The following NRXN3 variants were observed in gnomAD, a reference collection of about 807,000 sequenced individuals.
The protein encoded by NRXN3 is neurexin 3.
Under a neutral mutation model 137.6 loss-of-function variants are expected in NRXN3, and 32 were observed. The observed-to-expected ratio is 0.23, with a 90% CI of 0.18 to 0.31. NRXN3 has a LOEUF of 0.31. Ranked by LOEUF, NRXN3 falls within the 10% of genes least tolerant of loss-of-function variation. The pLI is 1.00. For synonymous variants in NRXN3, 798 were observed against 784.5 expected (o/e 1.02, Z -0.29); for missense variants, 1,574 against 2,062.5 (o/e 0.76, Z 4.59).
intron 16 of NRXN3, among the ~76,000 whole-genome samples, chr14:79,624,947 G>A (rs548304580): frequency 2.0e-5 from 3 of 152,042 alleles, no homozygotes; most frequent in Admixed American, 6.5e-5. Context: ...GAGACTACAG[G>A]CATCCACCAC....
At chr14:78,834,783 A>T (rs2098991650) in intron 10 of NRXN3, among the ~76,000 whole-genome samples, 1 of 152,214 alleles carries the variant, frequency 6.6e-6, no homozygotes, top group Admixed American at 6.5e-5. Context: ...CAGTGTTGAA[A>T]GCAGCAAGCT....
rs562908380 is a variant in NRXN3 at position 79,042,863 on chromosome 14, G to A, written c.3262+54722G>A. On this transcript the variant is annotated intron_variant, in intron 15 of 20. Coordinates refer to ENST00000335750, the MANE Select transcript of NRXN3 (RefSeq NM_001330195.2). ...CCTGGAAAGGGAGCAACTAGCACAA[G>A]AGAAACCAATCAAAATGCAGCAAAA... Among the ~76,000 whole-genome samples, 37 of 152,112 alleles carry A rather than the reference G, an allele frequency of 2.4e-4. No individual in the cohort carries two copies. In the South Asian group the frequency reaches 7.5e-3, roughly 31 times the overall value.
Position 78,242,696 on chromosome 14 carries a change from C to A in NRXN3, c.-398C>A, listed in dbSNP as rs1022080362. On this transcript the variant is annotated 5_prime_UTR_variant, in exon 2 of 21. Transcript: ENST00000335750. ...TGGGGGTCCGCTGGGAGGAGTGCAT[C>A]GCTGAAGGCTTCTTCCTACTCTCCT... 1.6e-4 allele frequency: 29 copies of A among 178,308 alleles called. No homozygotes were observed. The highest frequency in any genetic ancestry group is 6.9e-4 in the African/African-American group (29 of 42,316). The allele number at this position is 178,308 out of a possible 1,614,324, so 11.0% of individuals were successfully genotyped here. A position where few individuals can be genotyped will look rare whatever the true frequency, so the allele number is the denominator to read the frequency against.
chr14:79,517,314 T>C (rs1016994575), intron 16 of NRXN3, among the ~76,000 whole-genome samples: 1 of 152,170 alleles, frequency 6.6e-6, no homozygotes, highest in African/African-American at 2.4e-5. Flanking sequence ...TTGACCACTT[T>C]TGTAGTAGTT....
At chr14:79,781,786 T>G (rs1166103515) in intron 19 of NRXN3, among the ~76,000 whole-genome samples, 5 of 152,206 alleles carry the variant, frequency 3.3e-5, no homozygotes, top group Non-Finnish European at 7.3e-5. Context: ...GTGCTTGTAT[T>G]GCTGATAGCA....
At chr14:78,714,252 A>G (rs1242942933) in intron 7 of NRXN3, among the ~76,000 whole-genome samples, 1 of 152,100 alleles carries the variant, frequency 6.6e-6, no homozygotes, top group African/African-American at 2.4e-5. Flanking sequence ...AACTCAGGCA[A>G]ACATATGGAG....
rs182653567 is a variant in NRXN3 at position 79,748,815 on chromosome 14, G to A, written c.4014+50878G>A. 3.2e-4 allele frequency among the ~76,000 whole-genome samples: 49 copies of A among 151,966 alleles called. 1 individual carries two copies. In the South Asian group the frequency reaches 8.1e-3, roughly 25 times the overall value. The stretch of plus-strand genomic sequence containing the variant: ...AATGTACAAATACATAGTGAATTGC[G>A]ATGGTTTCTGGGACTGACAGAGAGA... On this transcript the variant is annotated intron_variant, in intron 19 of 20. Transcript: ENST00000335750.
chr14:78,234,994 T>TTATATATATATATATATATATATATA (rs57469863), intron 1 of NRXN3, among the ~76,000 whole-genome samples: 14 of 108,804 alleles, frequency 1.3e-4, no homozygotes, highest in African/African-American at 4.6e-4. Context: ...ACAAATGCTT[T>TTATATATATATATATATATATATATA]TATATATATA....
At chr14:78,851,268 T>A (rs1292582947) in intron 10 of NRXN3, among the ~76,000 whole-genome samples, 3 of 152,152 alleles carry the variant, frequency 2.0e-5, no homozygotes, top group African/African-American at 7.2e-5. Context: ...TGATTTATAG[T>A]GTTGACATAT....
At chr14:79,064,826 T>TGC (rs1458657184) in intron 15 of NRXN3, among the ~76,000 whole-genome samples, 1 of 145,818 alleles carries the variant, frequency 6.9e-6, no homozygotes, top group Non-Finnish European at 1.5e-5. Context: ...TGTGTGTGTA[T>TGC]ATATAATTAC....
At chr14:78,323,567 A>T (rs563838542) in intron 4 of NRXN3, among the ~76,000 whole-genome samples, 16 of 152,164 alleles carry the variant, frequency 1.1e-4, no homozygotes, top group Admixed American at 2.0e-4. Context: ...ATCATCATTT[A>T]TCAGCTAAAT....
intron 4 of NRXN3, among the ~76,000 whole-genome samples, chr14:78,569,956 A>G (rs986750177): frequency 2.0e-5 from 3 of 152,272 alleles, no homozygotes; most frequent in Admixed American, 6.5e-5. Context: ...CCACACTGGC[A>G]GTGGCACTGG....
intron 6 of NRXN3, among the ~76,000 whole-genome samples, chr14:78,686,633 C>T (rs1388574846): frequency 6.6e-6 from 1 of 152,114 alleles, no homozygotes; most frequent in South Asian, 2.1e-4. Flanking sequence ...TGCATGCTTC[C>T]GTGTTTATAT....
Position 78,943,614 on chromosome 14 carries a change from AAAAAAAAATATAT to A in NRXN3, c.2276-13626_2276-13614del, listed in dbSNP as rs1252389244. Among the ~76,000 whole-genome samples the A allele has an allele frequency of 7.9e-4, 35 of 44,152 alleles. 1 individual carries two copies. Among genetic ancestry groups the A allele is most frequent in the Non-Finnish European group, 1.5e-3 (34 of 23,426 alleles). 29.0% of individuals were successfully genotyped at this position (44,152 alleles called of 152,430 possible). On this transcript the variant is annotated intron_variant, in intron 10 of 20. Coordinates refer to ENST00000335750, the MANE Select transcript of NRXN3 (RefSeq NM_001330195.2). ...GAAAAGAAGCAAGATCACTGTTAAAAAAAAAAAATATATATATATATATATATATATATATATA... is the reference window on the plus strand; with the variant it reads ...GAAAAGAAGCAAGATCACTGTTAAAAATATATATATATATATATATATATA...
At chr14:78,624,742 T>C (rs1381394871) in intron 4 of NRXN3, among the ~76,000 whole-genome samples, 1 of 152,218 alleles carries the variant, frequency 6.6e-6, no homozygotes, top group Non-Finnish European at 1.5e-5. Context: ...GTGGGAGCCC[T>C]GGCTCTGCAT....
At chr14:79,306,592 A>T (rs2086108295) in intron 15 of NRXN3, among the ~76,000 whole-genome samples, 1 of 152,090 alleles carries the variant, frequency 6.6e-6, no homozygotes, top group African/African-American at 2.4e-5. Context: ...CCATGATCTT[A>T]TCCTCATTTC....
At chr14:78,334,533 A>G (rs1032862784) in intron 4 of NRXN3, among the ~76,000 whole-genome samples, 1 of 152,204 alleles carries the variant, frequency 6.6e-6, no homozygotes, top group African/African-American at 2.4e-5. Flanking sequence ...ATGTAGGATG[A>G]ACACGTCAGA....
At chr14:78,220,865 A>T (rs1203329498) in intron 1 of NRXN3, among the ~76,000 whole-genome samples, 1 of 152,094 alleles carries the variant, frequency 6.6e-6, no homozygotes, top group Non-Finnish European at 1.5e-5. Context: ...TCATGACTAA[A>T]AACCTCAATT....
chr14:79,000,165 A>G (rs2099538473), intron 15 of NRXN3, among the ~76,000 whole-genome samples: 1 of 152,158 alleles, frequency 6.6e-6, no homozygotes, highest in African/African-American at 2.4e-5. Context: ...TGGTAAATTA[A>G]CTACATGCTC....
Sources: allele counts gnomAD v4.1 joint callset (sites outside exome capture counted in the v4.1 genomes callset), GRCh38; gene constraint gnomAD v4.1.1; transcripts MANE v1.5; gene names NCBI Gene and HGNC (gene_info 2026-07-23, HGNC 2026-07-21).